The following CDH13 variants were observed in gnomAD, a reference collection of about 807,000 sequenced individuals.
CDH13 encodes cadherin 13.
CDH13 carries 24 observed loss-of-function variants against 63.8 expected under a neutral mutation model. The ratio of observed to expected loss-of-function variants is 0.38; its 90% confidence interval spans 0.27 to 0.53. The LOEUF is 0.53. Ranked by LOEUF, CDH13 falls within the 20% of genes least tolerant of loss-of-function variation. The probability of loss-of-function intolerance (pLI) is 0.85; values close to 1 mark genes in which losing one functional copy is unlikely to be tolerated. For synonymous variants in CDH13, 503 were observed against 355.3 expected (o/e 1.42, Z -4.67); for missense variants, 1,049 against 903.1 (o/e 1.16, Z -2.07).
intron 8 of CDH13, among the ~76,000 whole-genome samples, chr16:83,646,708 A>AC (rs1436851520): frequency 3.3e-5 from 3 of 91,270 alleles, no homozygotes; most frequent in Admixed American, 1.2e-4. Context: ...AAAAAAAAAA[A>AC]AAAAACACAC....
At chr16:83,081,708 A>G (rs1382295601) in intron 3 of CDH13, among the ~76,000 whole-genome samples, 1 of 150,710 alleles carries the variant, frequency 6.6e-6, no homozygotes, top group Non-Finnish European at 1.5e-5. Context: ...AGAGAGAGAA[A>G]GAGAGAGAGA....
intron 8 of CDH13, among the ~76,000 whole-genome samples, chr16:83,616,205 C>T (rs1281629893): frequency 1.3e-5 from 2 of 152,248 alleles, no homozygotes; most frequent in South Asian, 2.1e-4. Flanking sequence ...GAAATGCCCA[C>T]GCTGATTATA....
chr16:83,576,512 G>A (rs895229189), intron 7 of CDH13, among the ~76,000 whole-genome samples: 2 of 152,072 alleles, frequency 1.3e-5, no homozygotes, highest in African/African-American at 4.8e-5. Flanking sequence ...AATTCTTTGG[G>A]GTATATATCT....
At chr16:83,074,795 G>C (rs377009497) in intron 3 of CDH13, among the ~76,000 whole-genome samples, 17 of 152,310 alleles carry the variant, frequency 1.1e-4, no homozygotes, top group African/African-American at 3.8e-4. Context: ...CAAAGCTTAA[G>C]TGAGTTCCTG....
chr16:83,431,902 G>A (rs538443561), intron 6 of CDH13, among the ~76,000 whole-genome samples: 5 of 152,296 alleles, frequency 3.3e-5, no homozygotes, highest in South Asian at 2.1e-4. Flanking sequence ...CCATCATTAC[G>A]TGAACTTGGA....
chr16:83,071,615 A>G (rs1331438614), intron 3 of CDH13, among the ~76,000 whole-genome samples: 1 of 152,210 alleles, frequency 6.6e-6, no homozygotes, highest in Non-Finnish European at 1.5e-5. Flanking sequence ...CTGGAAAACT[A>G]ATAATTCATG....
At chr16:82,704,986 C>T (rs995200807) in intron 1 of CDH13, 2 of 360,226 alleles carry the variant, frequency 5.6e-6, no homozygotes, top group African/African-American at 4.3e-5. Context: ...CTTGCTGCTG[C>T]CTCATGAGGA....
At chr16:82,865,392 G>A (rs939745285) in intron 2 of CDH13, among the ~76,000 whole-genome samples, 1 of 152,214 alleles carries the variant, frequency 6.6e-6, no homozygotes, top group African/African-American at 2.4e-5. Flanking sequence ...ACATCCAGGT[G>A]TTTCCATTAA....
At chr16:82,982,405 T>G (rs1020200010) in intron 2 of CDH13, among the ~76,000 whole-genome samples, 6 of 152,186 alleles carry the variant, frequency 3.9e-5, no homozygotes, top group Non-Finnish European at 7.3e-5. Context: ...ACAAATTTAT[T>G]ATCATACATT....
At chr16:83,524,252 G>A (rs997419415) in intron 7 of CDH13, among the ~76,000 whole-genome samples, 1 of 152,056 alleles carries the variant, frequency 6.6e-6, no homozygotes, top group Non-Finnish European at 1.5e-5. Context: ...GTGTACATGA[G>A]TAATATATTC....
At chr16:83,261,991 T>C (rs1907052107) in intron 5 of CDH13, among the ~76,000 whole-genome samples, 1 of 152,132 alleles carries the variant, frequency 6.6e-6, no homozygotes, top group South Asian at 2.1e-4. Context: ...AGGTTTTAAT[T>C]CAACCGTAAC....
intron 1 of CDH13, among the ~76,000 whole-genome samples, chr16:82,690,574 C>A (rs1915546738): frequency 6.6e-6 from 1 of 152,110 alleles, no homozygotes; most frequent in African/African-American, 2.4e-5. Context: ...CAGAAGAGTT[C>A]ATCTCGTGAG....
At chr16:82,774,982 C>T (rs1159621437) in intron 1 of CDH13, among the ~76,000 whole-genome samples, 2 of 152,152 alleles carry the variant, frequency 1.3e-5, no homozygotes, top group Non-Finnish European at 2.9e-5. Flanking sequence ...CTACCTGCAG[C>T]CCAGGAGCAA....
chr16:83,149,111 T>C (rs964800028), intron 4 of CDH13, among the ~76,000 whole-genome samples: 4 of 152,218 alleles, frequency 2.6e-5, no homozygotes, highest in Non-Finnish European at 2.9e-5. Flanking sequence ...TACATGTTAC[T>C]CCAAGATACA....
chr16:83,136,155 C>T (rs12598141), intron 4 of CDH13, among the ~76,000 whole-genome samples: 2 of 149,960 alleles, frequency 1.3e-5, no homozygotes, highest in Non-Finnish European at 2.9e-5. Flanking sequence ...CCACCTGTAC[C>T]CCAACAACCT....
chr16:82,905,698 T>C (rs2041622617), intron 2 of CDH13, among the ~76,000 whole-genome samples: 1 of 152,352 alleles, frequency 6.6e-6, no homozygotes, highest in East Asian at 1.9e-4. Flanking sequence ...TAATGTACTT[T>C]AACCCATATC....
intron 2 of CDH13, among the ~76,000 whole-genome samples, chr16:82,968,429 G>T (rs1002590159): frequency 1.3e-5 from 2 of 152,156 alleles, no homozygotes; most frequent in African/African-American, 2.4e-5. Flanking sequence ...TTTAAAAGCT[G>T]GTAGTAGGGA....
intron 5 of CDH13, among the ~76,000 whole-genome samples, chr16:83,311,423 A>G (rs528759032): frequency 3.9e-5 from 6 of 152,342 alleles, no homozygotes; most frequent in African/African-American, 7.2e-5. Context: ...TTTCTCTCCA[A>G]TCCTTTTTCT....
rs1383635995 is a variant in CDH13 at position 83,799,069 on chromosome 16, TG to T, written c.*4042del. 1 of 151,942 alleles carries T rather than the reference TG, an allele frequency of 6.6e-6. No homozygotes were observed. Among genetic ancestry groups the T allele is most frequent in the Admixed American group, 6.6e-5 (1 of 15,234 alleles). The allele number at this position is 151,942 out of a possible 1,614,324, so 9.4% of individuals were successfully genotyped here. On this transcript the variant is annotated 3_prime_UTR_variant, in exon 14 of 14. Transcript: ENST00000567109. ...ACTCATGCCTGTAATCCCAGCCCTTTGGGAGGCAGAGGCGGGTGGATCACTT... is the reference window on the plus strand; with the variant it reads ...ACTCATGCCTGTAATCCCAGCCCTTTGGAGGCAGAGGCGGGTGGATCACTT...
Sources: gnomAD v4.1 joint callset for allele counts (sites outside exome capture counted in the v4.1 genomes callset) on GRCh38, gnomAD v4.1.1 for gene constraint, MANE v1.5 for transcripts, NCBI Gene and HGNC (gene_info 2026-07-23, HGNC 2026-07-21) for gene names.